Variants in SCGB2B2 observed in about 807,000 individuals in gnomAD.
SCGB2B2 encodes secretoglobin family 2B member 2.
Under a neutral mutation model 7.6 loss-of-function variants are expected in SCGB2B2, and 11 were observed. The observed-to-expected ratio is 1.45, with a 90% CI of 0.91 to 2.40. The LOEUF is 2.40. Ranked by LOEUF, SCGB2B2 falls within the 30% of genes most tolerant of loss-of-function variation. SCGB2B2 has a pLI of 0.00. For synonymous variants in SCGB2B2, 50 were observed against 48.6 expected (o/e 1.03, Z -0.12); for missense variants, 104 against 115.4 (o/e 0.90, Z 0.45).
chr19:34,588,399 T>C (rs1310257001), downstream of SCGB2B2, among the ~76,000 whole-genome samples: 3 of 152,108 alleles, frequency 2.0e-5, no homozygotes, highest in Non-Finnish European at 4.4e-5. Context: ...CTCAGTGATG[T>C]GGCCGTCACC....
At chr19:34,593,713 T>C (rs1012184718) in intron 3 of SCGB2B2, 114 bp from the exon 4 acceptor site, 5 of 792,152 alleles carry the variant, frequency 6.3e-6, no homozygotes, top group Non-Finnish European at 1.0e-5. Context: ...TGTCTGCTTG[T>C]TGGGGATCCC....
chr19:34,667,175 A>G (rs2067652645), intron 1 of SCGB2B2, among the ~76,000 whole-genome samples: 1 of 151,982 alleles, frequency 6.6e-6, no homozygotes, highest in African/African-American at 2.4e-5. Context: ...CCTCTCACCA[A>G]GCAATGTCCC....
chr19:34,604,279 T>C (rs1336552512), intron 1 of SCGB2B2, among the ~76,000 whole-genome samples: 5 of 152,234 alleles, frequency 3.3e-5, no homozygotes, highest in African/African-American at 1.2e-4. Flanking sequence ...AGGGAGTTAA[T>C]TGCTTCAATA....
At chr19:34,647,054 G>T (rs2146049673) in intron 1 of SCGB2B2, among the ~76,000 whole-genome samples, 1 of 152,152 alleles carries the variant, frequency 6.6e-6, no homozygotes, top group Admixed American at 6.5e-5. Flanking sequence ...GATGCTGGAG[G>T]CTGGGAAACC....
intron 1 of SCGB2B2, among the ~76,000 whole-genome samples, chr19:34,604,294 C>G (rs2065717018): frequency 6.6e-6 from 1 of 152,310 alleles, no homozygotes; most frequent in East Asian, 1.9e-4. Flanking sequence ...TCAATAGGAC[C>G]ATGCAGTTAG....
At chr19:34,631,853 T>C (rs143698412) in intron 1 of SCGB2B2, among the ~76,000 whole-genome samples, 1 of 151,996 alleles carries the variant, frequency 6.6e-6, no homozygotes, top group African/African-American at 2.4e-5. Context: ...AAGTACAAAG[T>C]TAAAGGAATA....
At chr19:34,625,422 A>C (rs1270117544) in intron 1 of SCGB2B2, among the ~76,000 whole-genome samples, 3 of 152,218 alleles carry the variant, frequency 2.0e-5, no homozygotes, top group African/African-American at 7.2e-5. Context: ...CTCCCACCCT[A>C]ATACTGCACT....
At chr19:34,626,380 T>A (rs1469168820) in intron 1 of SCGB2B2, among the ~76,000 whole-genome samples, 1 of 151,970 alleles carries the variant, frequency 6.6e-6, no homozygotes, top group Non-Finnish European at 1.5e-5. Context: ...GACGAGTGGC[T>A]AACTAGAATA....
chr19:34,589,432 A>T (rs1290613479), downstream of SCGB2B2, among the ~76,000 whole-genome samples: 2 of 152,138 alleles, frequency 1.3e-5, no homozygotes, highest in African/African-American at 2.4e-5. Context: ...GACCTGAGTG[A>T]CAGGTCTGAG....
In SCGB2B2 at chr19:34,593,359, C is replaced by T. The variant is rs897328988; in HGVS notation, c.*196G>A. 23 of 539,748 alleles carry T rather than the reference C, an allele frequency of 4.3e-5. No homozygotes were observed. The highest frequency in any genetic ancestry group is 6.3e-5 in the Admixed American group (2 of 31,886). The allele number at this position is 539,748 out of a possible 1,614,324, so 33.4% of individuals were successfully genotyped here. ...TACACCTGTAGAGTTTTTCCTCAGT[C>T]GCATATTTTCACACTGGGACCCTGG... On this transcript the variant is annotated 3_prime_UTR_variant, in exon 4 of 4. Transcript: ENST00000601241.
At position 34,644,831 on chromosome 19, in the gene SCGB2B2, T is replaced by C. The variant is rs191577444; in HGVS notation, c.-2032+30799A>G. On this transcript the variant is annotated intron_variant, in intron 1 of 3. Transcript: ENST00000601241. ...AATTTGATGCAAGTAGAAACATTTATAATTAACACAATATTTTATGAAAGG... is the reference window on the plus strand; with the variant it reads ...AATTTGATGCAAGTAGAAACATTTACAATTAACACAATATTTTATGAAAGG... Among the ~76,000 whole-genome samples the C allele has an allele frequency of 2.4e-3, 370 of 152,356 alleles. 4 individuals are homozygous for C. The highest frequency in any genetic ancestry group is 8.3e-3 in the African/African-American group (344 of 41,578).
chr19:34,646,848 T>A (rs1449902108), intron 1 of SCGB2B2: 1 of 152,346 alleles, frequency 6.6e-6, no homozygotes, highest in Non-Finnish European at 1.5e-5. Context: ...TGACCACATA[T>A]GCAGTGTGTG....
chr19:34,671,159 C>T (rs2067792732), intron 1 of SCGB2B2, among the ~76,000 whole-genome samples: 1 of 152,168 alleles, frequency 6.6e-6, no homozygotes, highest in South Asian at 2.1e-4. Flanking sequence ...CATGATACAC[C>T]CACCTTGGCC....
chr19:34,610,345 T>G (rs1415808451), intron 1 of SCGB2B2, among the ~76,000 whole-genome samples: 1 of 152,256 alleles, frequency 6.6e-6, no homozygotes, highest in East Asian at 1.9e-4. Context: ...CCAGTACTAT[T>G]TTGAATAAAA....
downstream of SCGB2B2, among the ~76,000 whole-genome samples, chr19:34,586,055 A>G (rs866573645): frequency 7.5e-4 from 114 of 152,316 alleles, no homozygotes; most frequent in African/African-American, 2.7e-3. Context: ...CCAAATTAAG[A>G]GGGACCATCA....
At chr19:34,587,508 G>A (rs1193281288), downstream of SCGB2B2, among the ~76,000 whole-genome samples, 1 of 152,086 alleles carries the variant, frequency 6.6e-6, no homozygotes, top group Admixed American at 6.6e-5. Flanking sequence ...TTCCAGTCTG[G>A]ATGCCCTTTG....
chr19:34,670,232 A>C (rs1236601047), intron 1 of SCGB2B2, among the ~76,000 whole-genome samples: 3 of 152,226 alleles, frequency 2.0e-5, no homozygotes, highest in African/African-American at 7.2e-5. Context: ...GCAAACTTTA[A>C]AAGATGTCAT....
rs559709216 is a variant in SCGB2B2, at chr19:34,641,689, G to A, written c.-2032+33941C>T. 2.0e-5 allele frequency among the ~76,000 whole-genome samples: 3 copies of A among 152,212 alleles called. No homozygotes were observed. The South Asian group carries it at 6.2e-4, about 32-fold the overall frequency. On this transcript the variant is annotated intron_variant, in intron 1 of 3. Transcript: ENST00000601241. Reference sequence around the variant, plus strand: ...CTAGTTTTGGTTGATCTTCTGTTAGGTTTGACCAACTCTTGGCCCCTCTTA... The same window carrying A: ...CTAGTTTTGGTTGATCTTCTGTTAGATTTGACCAACTCTTGGCCCCTCTTA...
At chr19:34,588,183 A>G (rs554422858), downstream of SCGB2B2, among the ~76,000 whole-genome samples, 3 of 152,332 alleles carry the variant, frequency 2.0e-5, no homozygotes, top group South Asian at 6.2e-4. Flanking sequence ...GAGACATTTT[A>G]TTACAGATTC....
Sources: gnomAD v4.1 joint callset for allele counts (sites outside exome capture counted in the v4.1 genomes callset) on GRCh38, gnomAD v4.1.1 for gene constraint, MANE v1.5 for transcripts, NCBI Gene and HGNC (gene_info 2026-07-23, HGNC 2026-07-21) for gene names.